The following ATP2A2 variants were observed in gnomAD, a reference collection of about 807,000 sequenced individuals.
The protein encoded by ATP2A2 is sarcoplasmic/endoplasmic reticulum calcium ATPase 2.
ATP2A2 carries 14 observed loss-of-function variants against 109.3 expected under a neutral mutation model. The observed-to-expected ratio is 0.13, with a 90% CI of 0.08 to 0.20. The LOEUF is 0.20. Among genes scored for constraint, ATP2A2 ranks in the 10% least tolerant of loss-of-function variants. ATP2A2 has a pLI of 1.00. For missense variants in ATP2A2, 657 were observed against 1,321.6 expected, an observed-to-expected ratio of 0.50 and a Z score of 7.80; for synonymous variants, 506 against 490.9, an observed-to-expected ratio of 1.03 and a Z score of -0.41.
intron 11 of ATP2A2, among the ~76,000 whole-genome samples, chr12:110,338,075 C>T (rs1037310722): frequency 6.6e-6 from 1 of 152,184 alleles, no homozygotes; most frequent in African/African-American, 2.4e-5. Context: ...CCCATACTTG[C>T]TCTCCCTCCC....
intron 5 of ATP2A2, among the ~76,000 whole-genome samples, chr12:110,316,155 T>C (rs1043004549): frequency 3.3e-5 from 5 of 152,252 alleles, no homozygotes; most frequent in Non-Finnish European, 7.3e-5. Flanking sequence ...CGCTTTACCA[T>C]CTTGGTAGTT....
chr12:110,309,348 G>C lies in ATP2A2; in HGVS notation c.463+12611G>C, dbSNP rs546189560. On this transcript the variant is annotated intron_variant, in intron 5 of 19. Transcript: ENST00000539276. The stretch of plus-strand genomic sequence containing the variant: ...AATTTTTGTATTTTTAGTAGAGACA[G>C]GGTTTCACCATGTTGGCCAGGCTGG... Among the ~76,000 whole-genome samples the C allele has an allele frequency of 2.6e-5, 4 of 151,354 alleles. No individual in the cohort carries two copies. The South Asian group carries it at 8.4e-4, about 32-fold the overall frequency.
chr12:110,350,053 A>G lies in ATP2A2; in HGVS notation c.*3583A>G. 7.0e-7 allele frequency: 1 copy of G among 1,422,996 alleles called. No homozygotes were observed. The highest frequency in any genetic ancestry group is 9.1e-7 in the Non-Finnish European group (1 of 1,093,666). 88.1% of individuals were successfully genotyped at this position (1,422,996 alleles called of 1,614,324 possible). The stretch of plus-strand genomic sequence containing the variant: ...CATGGGGTTTTCCTCCAGAGCCTTT[A>G]TTCTGTAGCCAGACGACACGAGGAG... On this transcript the variant is annotated 3_prime_UTR_variant, in exon 20 of 20. Coordinates refer to ENST00000539276, the MANE Select transcript of ATP2A2 (RefSeq NM_170665.4).
chr12:110,347,314 CAG>C lies in ATP2A2; in HGVS notation c.*848_*849del, dbSNP rs1879972438. ...AAAAAAATAAAACATTTTAAATGGA[CAG>C]AGAAAAATAACTGTCTTGTCTTTAA... On this transcript the variant is annotated 3_prime_UTR_variant, in exon 20 of 20. Transcript: ENST00000539276. 1 of 1,272,748 alleles carries C rather than the reference CAG, an allele frequency of 7.9e-7. No homozygotes were observed. Among genetic ancestry groups the C allele is most frequent in the South Asian group, 1.3e-5 (1 of 78,976 alleles). The allele number at this position is 1,272,748 out of a possible 1,614,324, so 78.8% of individuals were successfully genotyped here.
chr12:110,336,157 C>T (rs561449431), intron 11 of ATP2A2, among the ~76,000 whole-genome samples: 1 of 152,294 alleles, frequency 6.6e-6, no homozygotes, highest in African/African-American at 2.4e-5. Flanking sequence ...TGTCTGTCAT[C>T]ACCATGGGGC....
chr12:110,297,434 C>CA (rs5800888), intron 5 of ATP2A2, among the ~76,000 whole-genome samples: 6,302 of 62,358 alleles, frequency 0.1, 225 homozygotes, highest in Middle Eastern at 0.2. Flanking sequence ...GACTTCATCT[C>CA]AAAAAAAAAA....
chr12:110,315,570 G>T (rs1172355850), intron 5 of ATP2A2, among the ~76,000 whole-genome samples: 1 of 152,200 alleles, frequency 6.6e-6, no homozygotes, highest in African/African-American at 2.4e-5. Context: ...CTCAGAGTTT[G>T]TAACTTATCC....
Position 110,339,777 on chromosome 12 carries a change from C to T in ATP2A2, c.1761+56C>T. 1 of 1,559,704 alleles carries T rather than the reference C, an allele frequency of 6.4e-7. No homozygotes were observed. The highest frequency in any genetic ancestry group is 1.1e-5 in the South Asian group (1 of 89,186). ...CCCTGCACGATTCATTGTGTTTAAA[C>T]AGTACTCCTTCAAGCAAAAGGTCAA... On this transcript the variant is annotated intron_variant, in intron 13 of 19. Transcript: ENST00000539276. This position sits in a 1 kb window ranked among gnomAD's most constrained non-coding sequence, Gnocchi z 4.4.
chr12:110,290,152 G>A (rs981121162), intron 3 of ATP2A2, among the ~76,000 whole-genome samples: 2 of 152,206 alleles, frequency 1.3e-5, no homozygotes, highest in Non-Finnish European at 2.9e-5. Flanking sequence ...TTGCGGTTCT[G>A]AAACAGCCTT....
chr12:110,322,135 A>C (rs1466855142), intron 5 of ATP2A2, among the ~76,000 whole-genome samples: 1 of 152,176 alleles, frequency 6.6e-6, no homozygotes, highest in Non-Finnish European at 1.5e-5. Flanking sequence ...TATTTCAAAA[A>C]GTATCAAAGG....
chr12:110,287,145 C>T (rs577676289), intron 3 of ATP2A2, among the ~76,000 whole-genome samples: 6 of 152,160 alleles, frequency 3.9e-5, no homozygotes, highest in African/African-American at 1.4e-4. Context: ...CCCAGCTACT[C>T]AGGAGGCTGA....
intron 8 of ATP2A2, chr12:110,331,540 A>G (rs1326907267): frequency 1.3e-5 from 2 of 152,194 alleles, no homozygotes; most frequent in African/African-American, 2.4e-5. Context: ...GGGTTTCACC[A>G]TCTTTGCCAG....
In ATP2A2 at chr12:110,350,368, G is replaced by GCAA; in HGVS notation, c.*3901_*3903dup. ...TCGGTTGCGTGCATGTGCGTTTTTA[G>GCAA]CAACACATCTACCAACCCTGTGCAT... On this transcript the variant is annotated 3_prime_UTR_variant, in exon 20 of 20. Transcript: ENST00000539276. The GCAA allele has an allele frequency of 6.2e-7, 1 of 1,613,632 alleles. No individual in the cohort carries two copies. Among genetic ancestry groups the GCAA allele is most frequent in the Non-Finnish European group, 8.5e-7 (1 of 1,179,614 alleles).
Position 110,347,463 on chromosome 12 carries a change from C to T in ATP2A2, c.*993C>T. 1 of 1,288,978 alleles carries T rather than the reference C, an allele frequency of 7.8e-7. No individual in the cohort carries two copies. Among genetic ancestry groups the T allele is most frequent in the Non-Finnish European group, 1.0e-6 (1 of 988,682 alleles). 79.8% of individuals were successfully genotyped at this position (1,288,978 alleles called of 1,614,324 possible). On this transcript the variant is annotated 3_prime_UTR_variant, in exon 20 of 20. Coordinates refer to ENST00000539276, the MANE Select transcript of ATP2A2 (RefSeq NM_170665.4). ...GCTCCTGCTCTGCTGTGTAGGTAGT[C>T]ATAGGAATTGTATTCTTAATGTACA...
rs756773285 is a variant in ATP2A2 at position 110,281,779 on chromosome 12, C to T, written c.-11C>T. 10 of 1,487,012 alleles carry T rather than the reference C, an allele frequency of 6.7e-6. No individual in the cohort carries two copies. The highest frequency in any genetic ancestry group is 1.5e-5 in the African/African-American group (1 of 68,854). The allele number at this position is 1,487,012 out of a possible 1,614,324, so 92.1% of individuals were successfully genotyped here. A position where few individuals can be genotyped will look rare whatever the true frequency, so the allele number is the denominator to read the frequency against. On this transcript the variant is annotated 5_prime_UTR_variant, in exon 1 of 20. Coordinates refer to ENST00000539276, the MANE Select transcript of ATP2A2 (RefSeq NM_170665.4). ...GGGACGGGAGGCGAGGCCGGCCGGGCCCCCGAAGCCATGGAGAACGCGCAC... is the reference window on the plus strand; with the variant it reads ...GGGACGGGAGGCGAGGCCGGCCGGGTCCCCGAAGCCATGGAGAACGCGCAC...
At chr12:110,292,171 T>G in intron 4 of ATP2A2, 47 bp downstream of exon 4, 1 of 1,279,708 alleles carries the variant, frequency 7.8e-7, no homozygotes. Flanking sequence ...GTTATGTAAG[T>G]GATTAGGGCT....
chr12:110,291,933 C>A, intron 3 of ATP2A2, 87 bp from the exon 4 acceptor site: 1 of 1,198,054 alleles, frequency 8.3e-7, no homozygotes, highest in Non-Finnish European at 1.2e-6. Context: ...AGGCCTGAGC[C>A]ACCATGCTCG....
rs1880203593 is a variant in ATP2A2, at chr12:110,349,530, C to T, written c.*3060C>T. 3.0e-6 allele frequency: 3 copies of T among 986,430 alleles called. No individual in the cohort carries two copies. The highest frequency in any genetic ancestry group is 2.3e-4 in the East Asian group (2 of 8,824). The allele number at this position is 986,430 out of a possible 1,614,324, so 61.1% of individuals were successfully genotyped here. On this transcript the variant is annotated 3_prime_UTR_variant, in exon 20 of 20. Coordinates refer to ENST00000539276, the MANE Select transcript of ATP2A2 (RefSeq NM_170665.4). ...TCTGGAGGAAGCTGTCCCTTGAGCTCAGTGAGCTCCCAGGCAAGCAGGGCA... is the reference window on the plus strand; with the variant it reads ...TCTGGAGGAAGCTGTCCCTTGAGCTTAGTGAGCTCCCAGGCAAGCAGGGCA...
rs117894071 is a variant in ATP2A2 at position 110,335,639 on chromosome 12, A to C, written c.1419+1496A>C. On this transcript the variant is annotated intron_variant, in intron 11 of 19. Transcript: ENST00000539276. Reference sequence around the variant, plus strand: ...TGCAGATAAGATGTTGCAATACACAAAGTCTGTGTGGGTCAGTCGGTCACG... The same window carrying C: ...TGCAGATAAGATGTTGCAATACACACAGTCTGTGTGGGTCAGTCGGTCACG... Among the ~76,000 whole-genome samples the C allele has an allele frequency of 7.2e-4, 110 of 152,370 alleles. No individual in the cohort carries two copies. The East Asian group carries it at 0.017, about 24-fold the overall frequency.
Sources: allele counts gnomAD v4.1 joint callset (sites outside exome capture counted in the v4.1 genomes callset), GRCh38; gene constraint gnomAD v4.1.1; non-coding constraint Gnocchi (gnomAD v3.1); transcripts MANE v1.5; gene names NCBI Gene and HGNC (gene_info 2026-07-23, HGNC 2026-07-21).